The following KCNH8 variants were observed in gnomAD, a reference collection of about 807,000 sequenced individuals.
KCNH8 encodes the protein voltage-gated delayed rectifier potassium channel KCNH8.
KCNH8 carries 70 observed loss-of-function variants against 103.6 expected under a neutral mutation model. That is an observed-to-expected ratio of 0.68 (90% CI 0.56 to 0.82). The LOEUF is 0.82. Ranked by LOEUF, KCNH8 falls within the 40% of genes least tolerant of loss-of-function variation. The pLI is 0.00. For missense variants in KCNH8, 1,217 were observed against 1,329.9 expected (o/e 0.92, Z 1.32); for synonymous variants, 498 against 489.4 (o/e 1.02, Z -0.23).
chr3:19,489,754 G>C (rs1364242129), intron 11 of KCNH8, among the ~76,000 whole-genome samples: 1 of 151,884 alleles, frequency 6.6e-6, no homozygotes, highest in African/African-American at 2.4e-5. Context: ...AGGTAAAGAG[G>C]GCACACACAC....
intron 3 of KCNH8, 35 bp from the exon 4 acceptor site, chr3:19,342,552 T>C (rs1292533710): frequency 3.8e-6 from 6 of 1,598,114 alleles, no homozygotes; most frequent in Non-Finnish European, 5.1e-6. Flanking sequence ...AAATGATGCA[T>C]GCATGTGTGT....
At chr3:19,419,819 A>T (rs2066924528) in intron 7 of KCNH8, among the ~76,000 whole-genome samples, 1 of 151,890 alleles carries the variant, frequency 6.6e-6, no homozygotes, top group African/African-American at 2.4e-5. Context: ...CAGTCAATTG[A>T]AGTACTAAAG....
intron 1 of KCNH8, among the ~76,000 whole-genome samples, chr3:19,246,895 C>T (rs539936696): frequency 3.3e-5 from 5 of 152,244 alleles, no homozygotes; most frequent in African/African-American, 1.2e-4. Context: ...TTGTGAAGGA[C>T]ATTTGTTTCC....
At chr3:19,281,094 T>A in intron 2 of KCNH8, 104 bp from the exon 3 acceptor site, 1 of 1,210,056 alleles carries the variant, frequency 8.3e-7, no homozygotes. Flanking sequence ...GTTGTGGGAT[T>A]GAAGAAAACA....
chr3:19,254,793 A>G (rs949986825), intron 2 of KCNH8, among the ~76,000 whole-genome samples: 2 of 152,166 alleles, frequency 1.3e-5, no homozygotes, highest in African/African-American at 2.4e-5. Context: ...AAACTAGAAA[A>G]AAATATTTCC....
chr3:19,197,887 A>G (rs1221490600), intron 1 of KCNH8, among the ~76,000 whole-genome samples: 2 of 152,022 alleles, frequency 1.3e-5, no homozygotes, highest in African/African-American at 4.8e-5. Context: ...ATTTTTTAAA[A>G]TTTGTGCAGT....
chr3:19,222,715 G>A (rs1423890401), intron 1 of KCNH8, among the ~76,000 whole-genome samples: 1 of 152,096 alleles, frequency 6.6e-6, no homozygotes, highest in African/African-American at 2.4e-5. Flanking sequence ...GTGTAAGCCA[G>A]TTGTAGAGCC....
intron 3 of KCNH8, among the ~76,000 whole-genome samples, chr3:19,339,331 C>T (rs1457291261): frequency 6.6e-6 from 1 of 152,016 alleles, no homozygotes; most frequent in Non-Finnish European, 1.5e-5. Flanking sequence ...ATTGTAATTC[C>T]ACTTGACATT....
chr3:19,375,624 T>C, intron 5 of KCNH8, among the ~76,000 whole-genome samples: 1 of 152,168 alleles, frequency 6.6e-6, no homozygotes, highest in East Asian at 1.9e-4. Flanking sequence ...TCATTCTCCA[T>C]CCAGCTTTGT....
At chr3:19,528,472 C>CAATT (rs1559372789) in intron 15 of KCNH8, among the ~76,000 whole-genome samples, 1 of 151,920 alleles carries the variant, frequency 6.6e-6, no homozygotes, top group Non-Finnish European at 1.5e-5. Context: ...CATATTTCTA[C>CAATT]AATTATGAAG....
At chr3:19,197,372 A>G (rs1411186476) in intron 1 of KCNH8, among the ~76,000 whole-genome samples, 1 of 152,064 alleles carries the variant, frequency 6.6e-6, no homozygotes, top group Non-Finnish European at 1.5e-5. Flanking sequence ...TAAACCTTGA[A>G]AAATCATTTT....
intron 1 of KCNH8, among the ~76,000 whole-genome samples, chr3:19,188,056 A>G (rs1048289210): frequency 1.3e-5 from 2 of 152,094 alleles, no homozygotes; most frequent in Admixed American, 6.6e-5. Flanking sequence ...ACTGGATGTA[A>G]TCAGCCCACC....
intron 2 of KCNH8, among the ~76,000 whole-genome samples, chr3:19,277,359 T>G (rs757310480): frequency 3.3e-5 from 5 of 152,092 alleles, no homozygotes; most frequent in Non-Finnish European, 1.5e-5. Context: ...ACACCGGAGT[T>G]TGAGACCAGC....
chr3:19,230,791 T>C (rs929464284), intron 1 of KCNH8, among the ~76,000 whole-genome samples: 3 of 152,360 alleles, frequency 2.0e-5, no homozygotes, highest in African/African-American at 7.2e-5. Context: ...TGTATATCTT[T>C]CATAAGGTTC....
chr3:19,417,670 A>G (rs1032940730), intron 7 of KCNH8, among the ~76,000 whole-genome samples: 4 of 152,032 alleles, frequency 2.6e-5, no homozygotes, highest in African/African-American at 9.7e-5. Context: ...ATATACAATT[A>G]TTTTTTTCTA....
chr3:19,406,987 C>G (rs2066701757), intron 7 of KCNH8, among the ~76,000 whole-genome samples: 1 of 152,094 alleles, frequency 6.6e-6, no homozygotes, highest in African/African-American at 2.4e-5. Flanking sequence ...TTATTCTACT[C>G]CAGAATATTT....
At chr3:19,430,928 A>T (rs1245140659) in intron 7 of KCNH8, among the ~76,000 whole-genome samples, 1 of 152,198 alleles carries the variant, frequency 6.6e-6, no homozygotes, top group African/African-American at 2.4e-5. Context: ...TATCATCTGC[A>T]AACACAGACA....
chr3:19,473,309 C>T (rs1480670032), intron 11 of KCNH8, among the ~76,000 whole-genome samples: 1 of 152,156 alleles, frequency 6.6e-6, no homozygotes, highest in East Asian at 1.9e-4. Flanking sequence ...TCATCAGAAA[C>T]CGACTGGAAC....
chr3:19,298,921 C>CAAAAAAAA (rs56304109), intron 3 of KCNH8, among the ~76,000 whole-genome samples: 1 of 77,078 alleles, frequency 1.3e-5, no homozygotes. Flanking sequence ...GACTCCGTCT[C>CAAAAAAAA]AAAAAAAAAA....
Sources: gnomAD v4.1 joint callset for allele counts (sites outside exome capture counted in the v4.1 genomes callset) on GRCh38, gnomAD v4.1.1 for gene constraint, MANE v1.5 for transcripts, NCBI Gene and HGNC (gene_info 2026-07-23, HGNC 2026-07-21) for gene names.